PRSS12: variants seen among roughly 807,000 people sequenced by gnomAD.
PRSS12 encodes neurotrypsin.
A neutral mutation model predicts 104.4 loss-of-function variants in PRSS12; 85 were observed. The ratio of observed to expected loss-of-function variants is 0.81; its 90% CI spans 0.68 to 0.98. The LOEUF is 0.98. Ranked by LOEUF, PRSS12 falls within the 50% of genes least tolerant of loss-of-function variation. PRSS12 has a pLI of 0.00. For synonymous variants in PRSS12, 454 were observed against 425.2 expected, an observed-to-expected ratio of 1.07 and a Z score of -0.83; for missense variants, 1,141 against 1,139.2, an observed-to-expected ratio of 1.00 and a Z score of -0.02.
At chr4:118,318,598 A>C (rs1723517787) in intron 4 of PRSS12, 42 bp from the exon 5 acceptor site, 1 of 1,587,772 alleles carries the variant, frequency 6.3e-7, no homozygotes, top group African/African-American at 1.3e-5. Context: ...ATTAGATACC[A>C]AAGATTGGTC....
chr4:118,297,793 C>T (rs1331945376), intron 9 of PRSS12, among the ~76,000 whole-genome samples: 3 of 152,062 alleles, frequency 2.0e-5, no homozygotes, highest in African/African-American at 7.2e-5. Context: ...AAATGTACCA[C>T]AAATTTCTCC....
At chr4:118,318,668 C>T in intron 4 of PRSS12, 112 bp from the exon 5 acceptor site, 1 of 1,040,038 alleles carries the variant, frequency 9.6e-7, no homozygotes, top group Non-Finnish European at 1.5e-6. Context: ...TATTAATTCA[C>T]TTCACAGGTC....
In PRSS12 at chr4:118,335,585, A is replaced by C; in HGVS notation, c.708T>G (p.Asn236Lys). The change falls in exon 3 of 13, where the codon AAT becomes AAG. Residue 236 changes from asparagine to lysine, a missense_variant. By Grantham distance (94) the Asn-to-Lys change is moderately conservative. Transcript: ENST00000296498. Reference sequence around the variant, plus strand: ...TTTCTTCATCTCCTCGGCAACGGACATTGCTCCAATAAATGGGAATAAGGC... The same window carrying C: ...TTTCTTCATCTCCTCGGCAACGGACCTTGCTCCAATAAATGGGAATAAGGC... ...GLGLIPIYWS[N>K]VRCRGDEENI... 3 of 1,614,132 alleles carry C rather than the reference A, an allele frequency of 1.9e-6. No individual in the cohort carries two copies. In the East Asian group the frequency reaches 6.7e-5, roughly 36 times the overall value.
intron 1 of PRSS12, among the ~76,000 whole-genome samples, chr4:118,345,898 T>G (rs545781115): frequency 1.3e-5 from 2 of 152,228 alleles, no homozygotes; most frequent in African/African-American, 2.4e-5. Context: ...TCCTTGCCAG[T>G]TGAATCCCCA....
At chr4:118,295,116 A>C (rs1743224941) in intron 10 of PRSS12, 55 bp from the exon 11 acceptor site, 1 of 1,598,060 alleles carries the variant, frequency 6.3e-7, no homozygotes, top group African/African-American at 1.3e-5. Flanking sequence ...AAAGCAAAGG[A>C]AAGCACTGGT....
intron 11 of PRSS12, among the ~76,000 whole-genome samples, chr4:118,290,084 A>G (rs1159934205): frequency 6.6e-6 from 1 of 152,210 alleles, no homozygotes. Context: ...CATTCAGAGT[A>G]TCTACTATGT....
Position 118,316,837 on chromosome 4 carries a change from A to AAAAAAAAT in PRSS12, c.1151-515_1151-514insATTTTTTT, listed in dbSNP as rs35698159. ...ACTCCGTCTCACGGAAAAAAAAAAA[A>AAAAAAAAT]ATATATATATATATATATATCTTTC... On this transcript the variant is annotated intron_variant, in intron 5 of 12. Coordinates refer to ENST00000296498, the MANE Select transcript of PRSS12 (RefSeq NM_003619.4). 5.0e-3 allele frequency among the ~76,000 whole-genome samples: 491 copies of AAAAAAAAT among 99,160 alleles called. 4 individuals carry two copies. Among genetic ancestry groups the AAAAAAAAT allele is most frequent in the African/African-American group, 0.016 (468 of 28,866 alleles). 65.1% of individuals were successfully genotyped at this position (99,160 alleles called of 152,430 possible). A position where few individuals can be genotyped will look rare whatever the true frequency, so the allele number is the denominator to read the frequency against.
rs115995025 is a variant in PRSS12, at chr4:118,282,693, A to C, written c.2320+138T>G. 1.2e-3 allele frequency: 1,399 copies of C among 1,125,810 alleles called. 17 individuals are homozygous for C. The African/African-American group carries it at 0.018, about 15-fold the overall frequency. The allele number at this position is 1,125,810 out of a possible 1,614,324, so 69.7% of individuals were successfully genotyped here. A position where few individuals can be genotyped will look rare whatever the true frequency, so the allele number is the denominator to read the frequency against. On this transcript the variant is annotated intron_variant, in intron 12 of 12. Coordinates refer to ENST00000296498, the MANE Select transcript of PRSS12 (RefSeq NM_003619.4). ...CCTCCAGAATATAAGTCTCAATTAC[A>C]TGCATGCATTTCACACTAAGCAAAA...
At chr4:118,303,600 T>C (rs1212239029) in intron 8 of PRSS12, 3 of 152,114 alleles carry the variant, frequency 2.0e-5, no homozygotes, top group Admixed American at 6.5e-5. Flanking sequence ...TAGTAATTCA[T>C]AGCTGAAAAT....
At chr4:118,311,997 G>A (rs1009979080) in intron 7 of PRSS12, among the ~76,000 whole-genome samples, 4 of 151,918 alleles carry the variant, frequency 2.6e-5, no homozygotes, top group African/African-American at 9.7e-5. Context: ...AATCCTGGGA[G>A]GATCACAAAT....
chr4:118,317,163 T>C (rs1169424133), intron 5 of PRSS12, among the ~76,000 whole-genome samples: 1 of 152,094 alleles, frequency 6.6e-6, no homozygotes, highest in African/African-American at 2.4e-5. Context: ...TCATGAATTA[T>C]AAAAACTGGA....
At chr4:118,283,531 A>G (rs757762609) in intron 11 of PRSS12, among the ~76,000 whole-genome samples, 1 of 152,224 alleles carries the variant, frequency 6.6e-6, no homozygotes, top group Non-Finnish European at 1.5e-5. Flanking sequence ...TACTTAGTAC[A>G]ATCGACTTCA....
chr4:118,352,306 G>T lies in PRSS12; in HGVS notation c.415C>A (p.Arg139=). ...QLRGQRHNFC[R]SPDGAGRPWC... ...GGTCTGCCCGCGCCGTCGGGGCTCC[G>T]ACAAAAGTTGTGGCGCTGTCCTCGC... The change falls in exon 1 of 13, where the codon CGG becomes AGG. Residue 139 remains arginine, a synonymous_variant. Transcript: ENST00000296498. The T allele has an allele frequency of 6.2e-7, 1 of 1,600,304 alleles. No homozygotes were observed. The highest frequency in any genetic ancestry group is 8.5e-7 in the Non-Finnish European group (1 of 1,175,988).
intron 1 of PRSS12, among the ~76,000 whole-genome samples, chr4:118,340,021 C>T (rs1427449378): frequency 2.0e-5 from 3 of 152,066 alleles, no homozygotes; most frequent in African/African-American, 4.8e-5. Context: ...TACTTATGCA[C>T]ATTAAGTGAT....
At chr4:118,307,354 C>T (rs1431498604) in intron 8 of PRSS12, among the ~76,000 whole-genome samples, 1 of 152,046 alleles carries the variant, frequency 6.6e-6, no homozygotes, top group Non-Finnish European at 1.5e-5. Flanking sequence ...TTTATTAAAA[C>T]AGAAATGCTT....
intron 7 of PRSS12, 140 bp from the exon 8 acceptor site, chr4:118,308,717 T>C (rs1334465638): frequency 8.4e-7 from 1 of 1,187,028 alleles, no homozygotes; most frequent in African/African-American, 1.5e-5. Flanking sequence ...AGAGAGGAGA[T>C]ATATCAATAA....
At chr4:118,318,352 G>T in intron 5 of PRSS12, 26 bp downstream of exon 5, 1 of 1,611,678 alleles carries the variant, frequency 6.2e-7, no homozygotes, top group Non-Finnish European at 8.5e-7. Context: ...GCAAGAACTG[G>T]TACACTAATG....
chr4:118,310,034 G>A (rs185338426), intron 7 of PRSS12, among the ~76,000 whole-genome samples: 1 of 152,232 alleles, frequency 6.6e-6, no homozygotes, highest in East Asian at 1.9e-4. Flanking sequence ...TGTTTATGGC[G>A]TGCCAACTCT....
intron 4 of PRSS12, among the ~76,000 whole-genome samples, chr4:118,322,398 A>C (rs112880991): frequency 0.062 from 9,467 of 152,010 alleles, 373 homozygotes; most frequent in South Asian, 0.14. Flanking sequence ...AAAAATACAA[A>C]AATTAGCTAG....
Sources: allele counts gnomAD v4.1 joint callset (sites outside exome capture counted in the v4.1 genomes callset), GRCh38; gene constraint gnomAD v4.1.1; transcripts MANE v1.5; gene names NCBI Gene and HGNC (gene_info 2026-07-23, HGNC 2026-07-21).